PPP2R5E: variants seen among roughly 807,000 people sequenced by gnomAD.
The protein encoded by PPP2R5E is protein phosphatase 2 regulatory subunit B'epsilon.
A neutral mutation model predicts 65.3 loss-of-function variants in PPP2R5E; 4 were observed. The ratio of observed to expected loss-of-function variants is 0.06; its 90% CI spans 0.03 to 0.14. The LOEUF is 0.14. Among genes scored for constraint, PPP2R5E ranks in the 10% least tolerant of loss-of-function variants. The pLI is 1.00. For missense variants in PPP2R5E, 274 were observed against 556.1 expected (o/e 0.49, Z 5.10); for synonymous variants, 183 against 187.4 (o/e 0.98, Z 0.19).
intron 3 of PPP2R5E, among the ~76,000 whole-genome samples, chr14:63,437,925 G>A (rs1032290867): frequency 5.9e-5 from 9 of 152,028 alleles, no homozygotes; most frequent in Admixed American, 6.6e-5. Context: ...CCCACCAGCT[G>A]TCCCTCTCCA....
chr14:63,429,982 C>T (rs1423070519), intron 3 of PPP2R5E, among the ~76,000 whole-genome samples: 1 of 151,988 alleles, frequency 6.6e-6, no homozygotes, highest in African/African-American at 2.4e-5. Flanking sequence ...CTGCACCCGG[C>T]CGTATTATTT....
chr14:63,527,747 A>C (rs993645646), intron 2 of PPP2R5E, among the ~76,000 whole-genome samples: 5 of 152,162 alleles, frequency 3.3e-5, no homozygotes, highest in Non-Finnish European at 7.3e-5. Flanking sequence ...CAGCCTGGCC[A>C]ACATGGCAAA....
chr14:63,454,123 A>T (rs1362219928), intron 2 of PPP2R5E, among the ~76,000 whole-genome samples: 3 of 152,240 alleles, frequency 2.0e-5, no homozygotes, highest in South Asian at 2.1e-4. Context: ...TCCACAACCA[A>T]GGATTGACCA....
In PPP2R5E at chr14:63,373,247, T is replaced by A; in HGVS notation, c.*2762A>T. 6.6e-6 allele frequency: 1 copy of A among 152,204 alleles called. No homozygotes were observed. Among genetic ancestry groups the A allele is most frequent in the African/African-American group, 2.4e-5 (1 of 41,450 alleles). 9.4% of individuals were successfully genotyped at this position (152,204 alleles called of 1,614,324 possible). The stretch of plus-strand genomic sequence containing the variant: ...TGATCATCACTCACTAACTACAATA[T>A]TTGCTATTTAAAAAATATATTTATA... On this transcript the variant is annotated 3_prime_UTR_variant, in exon 14 of 14. Coordinates refer to ENST00000337537, the MANE Select transcript of PPP2R5E (RefSeq NM_006246.5).
chr14:63,412,995 T>C (rs1446400847), intron 5 of PPP2R5E, among the ~76,000 whole-genome samples: 1 of 152,144 alleles, frequency 6.6e-6, no homozygotes, highest in Non-Finnish European at 1.5e-5. Flanking sequence ...GTACAAGGCA[T>C]AGAGAGGTTC....
At chr14:63,538,229 T>C (rs184573557) in intron 2 of PPP2R5E, among the ~76,000 whole-genome samples, 46 of 150,568 alleles carry the variant, frequency 3.1e-4, no homozygotes, top group African/African-American at 7.8e-4. Flanking sequence ...GCCTAGGAAA[T>C]AGAGGCCACA....
intron 5 of PPP2R5E, among the ~76,000 whole-genome samples, chr14:63,405,419 A>G (rs979570817): frequency 3.3e-5 from 5 of 152,236 alleles, no homozygotes; most frequent in African/African-American, 1.2e-4. Flanking sequence ...TAAAAACACA[A>G]TAACAAAAGG....
intron 11 of PPP2R5E, 23 bp from the exon 12 acceptor site, chr14:63,384,594 T>A (rs749480082): frequency 1.2e-4 from 181 of 1,568,094 alleles, no homozygotes; most frequent in Non-Finnish European, 1.4e-4. Flanking sequence ...AAAAATAAAA[T>A]GTTAAGAGAG....
chr14:63,533,767 A>G (rs1893543783), intron 2 of PPP2R5E, among the ~76,000 whole-genome samples: 1 of 152,158 alleles, frequency 6.6e-6, no homozygotes, highest in Non-Finnish European at 1.5e-5. Flanking sequence ...CAACATGGAG[A>G]AACCCCGTCT....
intron 10 of PPP2R5E, among the ~76,000 whole-genome samples, 194 bp from the exon 11 acceptor site, chr14:63,389,925 A>G (rs1180576137): frequency 6.6e-6 from 1 of 152,170 alleles, no homozygotes; most frequent in Non-Finnish European, 1.5e-5. Flanking sequence ...ACTTGGAAAA[A>G]TTCTACGTAC....
intron 2 of PPP2R5E, among the ~76,000 whole-genome samples, chr14:63,527,943 A>G (rs1244825249): frequency 6.6e-6 from 1 of 151,784 alleles, no homozygotes; most frequent in African/African-American, 2.4e-5. Flanking sequence ...AAAAAAAGTC[A>G]AATGGCTTCT....
chr14:63,434,298 T>C (rs1887847311), intron 3 of PPP2R5E, among the ~76,000 whole-genome samples: 3 of 151,338 alleles, frequency 2.0e-5, no homozygotes, highest in Admixed American at 2.0e-4. Flanking sequence ...CAAAATAAAC[T>C]GAGAGATCTT....
chr14:63,444,408 C>G (rs1888379510), intron 3 of PPP2R5E, among the ~76,000 whole-genome samples: 1 of 152,152 alleles, frequency 6.6e-6, no homozygotes, highest in African/African-American at 2.4e-5. Flanking sequence ...ATGACATTAT[C>G]TTGTTACTGT....
In PPP2R5E at chr14:63,519,505, TAA is replaced by T. The variant is rs1332466736; in HGVS notation, c.157+20022_157+20023del. On this transcript the variant is annotated intron_variant, in intron 2 of 13. Transcript: ENST00000337537. Reference sequence around the variant, plus strand: ...ACAGGCACACACCACCATGCCCAGCTAATTTTTTTTTTTTTTTTTTGTATTTT... The same window carrying T: ...ACAGGCACACACCACCATGCCCAGCTTTTTTTTTTTTTTTTTTTGTATTTT... Among the ~76,000 whole-genome samples, 293 of 124,992 alleles carry T rather than the reference TAA, an allele frequency of 2.3e-3. 1 individual carries two copies. The highest frequency in any genetic ancestry group is 0.011 in the African/African-American group (281 of 24,886). 82.0% of individuals were successfully genotyped at this position (124,992 alleles called of 152,430 possible). A position where few individuals can be genotyped will look rare whatever the true frequency, so the allele number is the denominator to read the frequency against.
intron 2 of PPP2R5E, among the ~76,000 whole-genome samples, chr14:63,522,904 G>A: frequency 6.9e-6 from 1 of 145,060 alleles, no homozygotes; most frequent in South Asian, 2.3e-4. Context: ...GTCCGGGAGG[G>A]AGGTCGGGGG....
intron 4 of PPP2R5E, among the ~76,000 whole-genome samples, chr14:63,417,152 A>G (rs1212629319): frequency 6.6e-6 from 1 of 152,182 alleles, no homozygotes; most frequent in Non-Finnish European, 1.5e-5. Context: ...CAACTGGAAA[A>G]TATTGGTTCA....
intron 2 of PPP2R5E, among the ~76,000 whole-genome samples, chr14:63,491,051 TAAG>T (rs1335596458): frequency 1.3e-5 from 2 of 151,740 alleles, no homozygotes; most frequent in East Asian, 1.9e-4. Context: ...CTATGCAGCA[TAAG>T]AAGAATGAAA....
intron 10 of PPP2R5E, among the ~76,000 whole-genome samples, chr14:63,391,296 C>A (rs1033673665): frequency 1.3e-5 from 2 of 152,190 alleles, no homozygotes; most frequent in African/African-American, 4.8e-5. Flanking sequence ...TGTACTGGGG[C>A]AGGCTATTTA....
chr14:63,411,400 T>C (rs1357743823), intron 5 of PPP2R5E, among the ~76,000 whole-genome samples: 1 of 152,142 alleles, frequency 6.6e-6, no homozygotes, highest in East Asian at 1.9e-4. Flanking sequence ...TTTCTTTTTT[T>C]TAAAATTATT....
Sources: gnomAD v4.1 joint callset for allele counts (sites outside exome capture counted in the v4.1 genomes callset) on GRCh38, gnomAD v4.1.1 for gene constraint, MANE v1.5 for transcripts, NCBI Gene and HGNC (gene_info 2026-07-23, HGNC 2026-07-21) for gene names.